DIAPH3: variants seen among roughly 807,000 people sequenced by gnomAD.
DIAPH3 encodes the protein protein diaphanous homolog 3.
A neutral mutation model predicts 144.3 loss-of-function variants in DIAPH3; 117 were observed. The observed-to-expected ratio is 0.81, with a 90% CI of 0.70 to 0.95. DIAPH3 has a LOEUF of 0.95. DIAPH3 is among the 40% of genes least tolerant of loss of function. DIAPH3 has a pLI of 0.00. For synonymous variants in DIAPH3, 519 were observed against 488.9 expected (o/e 1.06, Z -0.81); for missense variants, 1,421 against 1,412.7 (o/e 1.01, Z -0.09).
chr13:59,672,013 C>A (rs1254903353), intron 27 of DIAPH3, among the ~76,000 whole-genome samples: 1 of 152,054 alleles, frequency 6.6e-6, no homozygotes, highest in Non-Finnish European at 1.5e-5. Flanking sequence ...TTGAGAAACA[C>A]AAAAGACACA....
At chr13:59,828,075 TG>T (rs2041553634) in intron 24 of DIAPH3, among the ~76,000 whole-genome samples, 1 of 152,018 alleles carries the variant, frequency 6.6e-6, no homozygotes, top group Non-Finnish European at 1.5e-5. Context: ...GAACTTCACT[TG>T]GTATAAAGCT....
chr13:60,055,900 G>A (rs2056540434), intron 4 of DIAPH3, among the ~76,000 whole-genome samples: 1 of 151,778 alleles, frequency 6.6e-6, no homozygotes, highest in South Asian at 2.1e-4. Context: ...ACAATTTTTT[G>A]CATAGTTATT....
At chr13:59,953,079 C>G (rs1463607015) in intron 17 of DIAPH3, among the ~76,000 whole-genome samples, 1 of 151,996 alleles carries the variant, frequency 6.6e-6, no homozygotes, top group Non-Finnish European at 1.5e-5. Flanking sequence ...GGCGTGAGGA[C>G]AAAGGAAAAC....
chr13:59,907,672 G>T (rs189648589), intron 20 of DIAPH3, among the ~76,000 whole-genome samples: 1 of 152,166 alleles, frequency 6.6e-6, no homozygotes, highest in South Asian at 2.1e-4. Flanking sequence ...GAGCTATCCT[G>T]ATCAAATGAG....
At chr13:60,152,089 G>T (rs565830837) in intron 1 of DIAPH3, among the ~76,000 whole-genome samples, 1 of 152,000 alleles carries the variant, frequency 6.6e-6, no homozygotes, top group African/African-American at 2.4e-5. Context: ...AGCCAACCTC[G>T]GAAAAAAATG....
intron 27 of DIAPH3, among the ~76,000 whole-genome samples, chr13:59,729,808 A>ATTTTTTTTTTTTTTTTTTTTTTT (rs202135165): frequency 1.7e-5 from 2 of 115,186 alleles, no homozygotes; most frequent in African/African-American, 7.0e-5. Flanking sequence ...GAATACATTA[A>ATTTTTTTTTTTTTTTTTTTTTTT]TATTTTTTTT....
intron 4 of DIAPH3, 147 bp from the exon 5 acceptor site, chr13:60,042,967 G>T: frequency 1.2e-6 from 1 of 860,938 alleles, no homozygotes; most frequent in Non-Finnish European, 1.8e-6. Flanking sequence ...CCTTACTTCT[G>T]CCCAAAAATC....
chr13:60,095,151 A>G (rs2058068884), intron 3 of DIAPH3, among the ~76,000 whole-genome samples: 1 of 152,138 alleles, frequency 6.6e-6, no homozygotes, highest in Non-Finnish European at 1.5e-5. Flanking sequence ...ACACACCTAA[A>G]AAAGAGAGAG....
rs997495798 is a variant in DIAPH3 at position 59,714,376 on chromosome 13, A to C, written c.3320-47530T>G. 2.0e-3 allele frequency among the ~76,000 whole-genome samples: 303 copies of C among 151,418 alleles called. 4 individuals are homozygous for C. The highest frequency in any genetic ancestry group is 0.01 in the Middle Eastern group (3 of 294). ...CTCCGTCTCAAAAAAAAAAAAAAAA[A>C]AAAAAAAAATTAGCTAGGCATGGTG... On this transcript the variant is annotated intron_variant, in intron 27 of 27. Transcript: ENST00000400324.
In DIAPH3 at chr13:59,910,091, G is replaced by T. The variant is rs117993354; in HGVS notation, c.2367+1644C>A. On this transcript the variant is annotated intron_variant, in intron 20 of 27. Coordinates refer to ENST00000400324, the MANE Select transcript of DIAPH3 (RefSeq NM_001042517.2). ...TAGATAGACATTTTCATATAACCTT[G>T]CATGGTATCAGATTTAATGTACATG... Among the ~76,000 whole-genome samples, 1,074 of 151,934 alleles carry T rather than the reference G, an allele frequency of 7.1e-3. 46 individuals are homozygous for T. The East Asian group carries it at 0.09, about 13-fold the overall frequency.
chr13:59,666,388 T>G lies in DIAPH3; in HGVS notation c.*196A>C. ...AAAAAAAAAAAGGATTAAAGCCCGGTACAATCTTGAATAAACCAAAACCTC... is the reference window on the plus strand; with the variant it reads ...AAAAAAAAAAAGGATTAAAGCCCGGGACAATCTTGAATAAACCAAAACCTC... On this transcript the variant is annotated 3_prime_UTR_variant, in exon 28 of 28. Transcript: ENST00000400324. 1.8e-6 allele frequency: 1 copy of G among 549,132 alleles called. No homozygotes were observed. The highest frequency in any genetic ancestry group is 3.0e-6 in the Non-Finnish European group (1 of 335,074). The allele number at this position is 549,132 out of a possible 1,614,324, so 34.0% of individuals were successfully genotyped here.
At chr13:60,101,097 T>C (rs1016175209) in intron 3 of DIAPH3, among the ~76,000 whole-genome samples, 4 of 152,350 alleles carry the variant, frequency 2.6e-5, no homozygotes, top group African/African-American at 9.6e-5. Flanking sequence ...TCTTAAACTA[T>C]GGTCAAATTC....
chr13:59,788,837 T>C (rs2039176185), intron 25 of DIAPH3, among the ~76,000 whole-genome samples: 1 of 152,224 alleles, frequency 6.6e-6, no homozygotes. Flanking sequence ...CAATGGGTTT[T>C]ACGACTTCCA....
At chr13:59,685,582 G>A (rs1449490467) in intron 27 of DIAPH3, among the ~76,000 whole-genome samples, 1 of 152,128 alleles carries the variant, frequency 6.6e-6, no homozygotes, top group East Asian at 1.9e-4. Context: ...TTTAATGACA[G>A]AGCAAGGAAA....
intron 21 of DIAPH3, among the ~76,000 whole-genome samples, chr13:59,877,316 C>T (rs1436542943): frequency 1.3e-5 from 2 of 152,064 alleles, no homozygotes; most frequent in Non-Finnish European, 2.9e-5. Context: ...CACCCCCATA[C>T]CATCTTTCCT....
chr13:59,785,545 G>C (rs537371889), intron 25 of DIAPH3, among the ~76,000 whole-genome samples: 1 of 151,972 alleles, frequency 6.6e-6, no homozygotes, highest in Non-Finnish European at 1.5e-5. Flanking sequence ...GATTAAGCAA[G>C]GTATAAAGAG....
intron 27 of DIAPH3, among the ~76,000 whole-genome samples, chr13:59,717,505 C>T (rs945597574): frequency 1.3e-5 from 2 of 152,170 alleles, no homozygotes; most frequent in Non-Finnish European, 2.9e-5. Flanking sequence ...CAACCAAGGC[C>T]AGTGTGTACA....
Position 59,774,807 on chromosome 13 carries a change from T to G in DIAPH3, c.3180A>C (p.Gly1060=), listed in dbSNP as rs368829900. ...AGGCCTCCAGCAGATTATCCATCAC[T>G]CCTGTCTCATCACCCTCTGTGAAAA... ...LEMKTEGDET[G]VMDNLLEALQ... Residue 1060 remains glycine (G), a synonymous_variant, in exon 26 of 28, where the codon GGA becomes GGC. Coordinates refer to ENST00000400324, the MANE Select transcript of DIAPH3 (RefSeq NM_001042517.2). 6.2e-7 allele frequency: 1 copy of G among 1,613,932 alleles called. No homozygotes were observed. The highest frequency in any genetic ancestry group is 1.3e-5 in the African/African-American group (1 of 74,892).
intron 27 of DIAPH3, among the ~76,000 whole-genome samples, chr13:59,675,316 C>T (rs2032585814): frequency 1.3e-5 from 2 of 152,110 alleles, no homozygotes; most frequent in South Asian, 4.1e-4. Context: ...GATTTTCCTG[C>T]CTCAGTTTCC....
Sources: allele counts gnomAD v4.1 joint callset (sites outside exome capture counted in the v4.1 genomes callset), GRCh38; gene constraint gnomAD v4.1.1; transcripts MANE v1.5; gene names NCBI Gene and HGNC (gene_info 2026-07-23, HGNC 2026-07-21).